Variants in LRRC69 observed in about 807,000 individuals in gnomAD.
LRRC69 encodes leucine-rich repeat-containing protein 69.
A neutral mutation model predicts 37.8 loss-of-function variants in LRRC69; 42 were observed. That is an observed-to-expected ratio of 1.11 (90% CI 0.87 to 1.44). The LOEUF is 1.44. Among genes scored for constraint, LRRC69 ranks in the 40% most tolerant of loss-of-function variants. LRRC69 has a pLI of 0.00. For missense variants in LRRC69, 357 were observed against 401.9 expected (o/e 0.89, Z 0.96); for synonymous variants, 141 against 143.1 (o/e 0.99, Z 0.11).
At position 91,113,972 on chromosome 8, in the gene LRRC69, C is replaced by CAAAAAAAA. The variant is rs34806474; in HGVS notation, c.184-10506_184-10499dup. On this transcript the variant is annotated intron_variant, in intron 1 of 7. Coordinates refer to ENST00000448384, the Ensembl canonical transcript of LRRC69. ...CTCCACAACATTGCGAGACTTGTCT[C>CAAAAAAAA]AAAAAAAAAAAAAAAAAAAAAAGGT... Among the ~76,000 whole-genome samples the CAAAAAAAA allele has an allele frequency of 5.8e-4, 35 of 60,504 alleles. 3 individuals are homozygous for CAAAAAAAA. Among genetic ancestry groups the CAAAAAAAA allele is most frequent in the African/African-American group, 1.8e-3 (23 of 13,094 alleles). 39.7% of individuals were successfully genotyped at this position (60,504 alleles called of 152,430 possible). A position where few individuals can be genotyped will look rare whatever the true frequency, so the allele number is the denominator to read the frequency against.
chr8:91,139,004 C>G (rs1347405608), intron 5 of LRRC69: 2 of 150,780 alleles, frequency 1.3e-5, no homozygotes, highest in Non-Finnish European at 2.9e-5. Context: ...TTGCAGTAAG[C>G]TGAGATCATA....
At chr8:91,111,358 C>A (rs1309444659) in intron 1 of LRRC69, among the ~76,000 whole-genome samples, 1 of 151,832 alleles carries the variant, frequency 6.6e-6, no homozygotes, top group Non-Finnish European at 1.5e-5. Context: ...GATGGTGAAA[C>A]CCCGTCTCTA....
chr8:91,204,751 C>T (rs1809771064), intron 7 of LRRC69, among the ~76,000 whole-genome samples: 1 of 152,186 alleles, frequency 6.6e-6, no homozygotes, highest in Non-Finnish European at 1.5e-5. Context: ...ATTTCTAACT[C>T]CTGGATGAGA....
At chr8:91,184,342 T>C (rs1454534357) in intron 5 of LRRC69, among the ~76,000 whole-genome samples, 2 of 152,122 alleles carry the variant, frequency 1.3e-5, no homozygotes, top group African/African-American at 4.8e-5. Flanking sequence ...AACATTTGTC[T>C]CTTTTAAATA....
intron 5 of LRRC69, among the ~76,000 whole-genome samples, chr8:91,177,118 G>C (rs1372624634): frequency 3.3e-5 from 5 of 152,016 alleles, no homozygotes; most frequent in African/African-American, 4.8e-5. Flanking sequence ...TTTAATCAAG[G>C]ACTGATTGAT....
intron 5 of LRRC69, among the ~76,000 whole-genome samples, chr8:91,171,958 T>A (rs199778019): frequency 2.7e-5 from 4 of 150,406 alleles, no homozygotes; most frequent in Admixed American, 1.3e-4. Flanking sequence ...GGTTTTTTTT[T>A]TAAAAAATGG....
intron 1 of LRRC69, among the ~76,000 whole-genome samples, chr8:91,107,263 T>A (rs1813333302): frequency 6.6e-6 from 1 of 151,762 alleles, no homozygotes; most frequent in Non-Finnish European, 1.5e-5. Flanking sequence ...GCCTCCCGAG[T>A]GGCTGGGATT....
At position 91,186,649 on chromosome 8, in the gene LRRC69, T is replaced by C. The variant is rs563201892; in HGVS notation, c.652-2873T>C. Among the ~76,000 whole-genome samples the C allele has an allele frequency of 4.1e-4, 62 of 152,342 alleles. 1 individual carries two copies. Among genetic ancestry groups the C allele is most frequent in the African/African-American group, 1.5e-3 (61 of 41,576 alleles). Reference sequence around the variant, plus strand: ...AAAGGTTCTAAGCAAGGTTGTTATATGACCAAATTTTCCTTTCAGAAAACC... The same window carrying C: ...AAAGGTTCTAAGCAAGGTTGTTATACGACCAAATTTTCCTTTCAGAAAACC... On this transcript the variant is annotated intron_variant, in intron 5 of 7. Coordinates refer to ENST00000448384, the Ensembl canonical transcript of LRRC69.
intron 5 of LRRC69, among the ~76,000 whole-genome samples, chr8:91,179,977 C>T: frequency 6.6e-6 from 1 of 152,148 alleles, no homozygotes; most frequent in East Asian, 1.9e-4. Context: ...CTATTTCATT[C>T]AACTTTTCAT....
In LRRC69 at chr8:91,198,093, G is replaced by C. The variant is rs185021020; in HGVS notation, c.754-2520G>C. ...AAAGAATTCTAGGAACTATGATATG[G>C]GTTATGCCTTGGTAAAGATTTTAGA... On this transcript the variant is annotated intron_variant, in intron 6 of 7. Coordinates refer to ENST00000448384, the Ensembl canonical transcript of LRRC69. Among the ~76,000 whole-genome samples, 138 of 152,154 alleles carry C rather than the reference G, an allele frequency of 9.1e-4. 1 individual carries two copies. The highest frequency in any genetic ancestry group is 3.2e-3 in the African/African-American group (133 of 41,522).
chr8:91,172,934 T>A (rs1354355993), intron 5 of LRRC69, among the ~76,000 whole-genome samples: 2 of 152,044 alleles, frequency 1.3e-5, no homozygotes, highest in African/African-American at 4.8e-5. Flanking sequence ...CCTGAAAGAC[T>A]TATGACTGTT....
intron 6 of LRRC69, among the ~76,000 whole-genome samples, chr8:91,195,442 G>GA (rs1248394131): frequency 6.6e-6 from 1 of 151,696 alleles, no homozygotes; most frequent in Non-Finnish European, 1.5e-5. Flanking sequence ...TTGACAGTGG[G>GA]GTGTTAAAGT....
chr8:91,114,757 A>C (rs1813478557), intron 1 of LRRC69, among the ~76,000 whole-genome samples: 1 of 152,048 alleles, frequency 6.6e-6, no homozygotes, highest in Admixed American at 6.6e-5. Context: ...GGTTAGTGTA[A>C]GTACTATGAT....
chr8:91,120,145 G>A (rs1338310236), intron 1 of LRRC69, among the ~76,000 whole-genome samples: 2 of 151,870 alleles, frequency 1.3e-5, no homozygotes, highest in Non-Finnish European at 2.9e-5. Flanking sequence ...TTTCTGCACA[G>A]CCCACTTCAA....
At chr8:91,210,893 T>C (rs571867203) in intron 7 of LRRC69, among the ~76,000 whole-genome samples, 1 of 152,198 alleles carries the variant, frequency 6.6e-6, no homozygotes, top group Non-Finnish European at 1.5e-5. Flanking sequence ...AAAAAGCACA[T>C]TGAGTTCCAA....
intron 5 of LRRC69, among the ~76,000 whole-genome samples, chr8:91,152,312 G>T (rs957303943): frequency 2.6e-5 from 4 of 151,666 alleles, no homozygotes; most frequent in African/African-American, 7.2e-5. Flanking sequence ...TGCATAAGGT[G>T]TAAGGAAGGG....
At chr8:91,181,360 G>A (rs1399499592) in intron 5 of LRRC69, among the ~76,000 whole-genome samples, 1 of 152,124 alleles carries the variant, frequency 6.6e-6, no homozygotes, top group African/African-American at 2.4e-5. Context: ...AAGGCAAGGT[G>A]GAATTAAAAT....
Position 91,176,199 on chromosome 8 carries a change from A to G in LRRC69, c.652-13323A>G, listed in dbSNP as rs191917052. Among the ~76,000 whole-genome samples the G allele has an allele frequency of 2.0e-5, 3 of 146,364 alleles. No homozygotes were observed. The East Asian group carries it at 6.0e-4, about 29-fold the overall frequency. ...CACCAGGCTGGAGTGCAGTGGTGCA[A>G]TCTCAGTTCACTACAACCTCCGCCT... On this transcript the variant is annotated intron_variant, in intron 5 of 7. Coordinates refer to ENST00000448384, the Ensembl canonical transcript of LRRC69.
At chr8:91,168,466 A>G (rs934732337) in intron 5 of LRRC69, among the ~76,000 whole-genome samples, 3 of 151,944 alleles carry the variant, frequency 2.0e-5, no homozygotes. Flanking sequence ...TGGGATTTCC[A>G]GGAAAGCTTT....
Sources: allele counts gnomAD v4.1 joint callset (sites outside exome capture counted in the v4.1 genomes callset), GRCh38; gene constraint gnomAD v4.1.1; transcripts MANE v1.5; gene names NCBI Gene and HGNC (gene_info 2026-07-23, HGNC 2026-07-21).